TRDN: variants seen among roughly 807,000 people sequenced by gnomAD.
TRDN encodes triadin.
A neutral mutation model predicts 149.7 loss-of-function variants in TRDN; 161 were observed. The observed-to-expected ratio is 1.08, with a 90% CI of 0.95 to 1.23. The LOEUF is 1.23. TRDN is among the 50% of genes most tolerant of loss of function. The pLI is 0.00. For missense variants in TRDN, 896 were observed against 823.5 expected, an observed-to-expected ratio of 1.09 and a Z score of -1.08; for synonymous variants, 294 against 250.5, an observed-to-expected ratio of 1.17 and a Z score of -1.64.
Position 123,439,007 on chromosome 6 carries a change from G to T in TRDN, c.932-4C>A. Reference sequence around the variant, plus strand: ...TTCTTCTTTTCCCCTTCTTTTTCTAGAGAATACATTTAAAATATTTCCTTT... The same window carrying T: ...TTCTTCTTTTCCCCTTCTTTTTCTATAGAATACATTTAAAATATTTCCTTT... On this transcript the variant is annotated splice_polypyrimidine_tract_variant and splice_region_variant and intron_variant, in intron 10 of 40. Transcript: ENST00000334268. The T allele has an allele frequency of 6.5e-7, 1 of 1,544,934 alleles. No homozygotes were observed.
chr6:123,506,082 A>G (rs1424223399), intron 7 of TRDN, among the ~76,000 whole-genome samples: 1 of 152,192 alleles, frequency 6.6e-6, no homozygotes, highest in Non-Finnish European at 1.5e-5. Flanking sequence ...TCATTCCAGA[A>G]TTCCACACTG....
At chr6:123,324,640 A>G (rs939859606) in intron 23 of TRDN, among the ~76,000 whole-genome samples, 1 of 151,126 alleles carries the variant, frequency 6.6e-6, no homozygotes, top group African/African-American at 2.4e-5. Context: ...CAAGGAATGA[A>G]TATTGGAGCT....
At position 123,503,827 on chromosome 6, in the gene TRDN, T is replaced by C; in HGVS notation, c.685A>G (p.Lys229Glu). The change falls in exon 8 of 41, where the codon AAA becomes GAA. Residue 229 changes from lysine (K) to glutamate (E), a missense_variant. By Grantham distance (56) the Lys-to-Glu change is moderately conservative. Transcript: ENST00000334268. ...KKEVKGGKQE[K>E]VKQTAAKVKE... ...ACTTTTGCAGCTGTTTGCTTCACTT[T>C]CTCCTGTTTTCCACCTTTCACTTCC... The C allele has an allele frequency of 6.2e-7, 1 of 1,607,388 alleles. No homozygotes were observed. Among genetic ancestry groups the C allele is most frequent in the Non-Finnish European group, 8.5e-7 (1 of 1,176,214 alleles).
intron 2 of TRDN, among the ~76,000 whole-genome samples, chr6:123,558,477 G>A (rs574815758): frequency 1.3e-5 from 2 of 152,184 alleles, no homozygotes; most frequent in South Asian, 4.1e-4. Context: ...GCATAGTCAA[G>A]GTTAATGCTC....
rs960232235 is a variant in TRDN, at chr6:123,294,635, A to C, written c.1511-15553T>G. Among the ~76,000 whole-genome samples, 19 of 152,324 alleles carry C rather than the reference A, an allele frequency of 1.2e-4. 1 individual carries two copies. The highest frequency in any genetic ancestry group is 3.4e-3 in the Middle Eastern group (1 of 294). On this transcript the variant is annotated intron_variant, in intron 24 of 40. Transcript: ENST00000334268. ...GATTTAATGCTGCTGTTAATCTAACAGGAAGTGTAGATCAGACAATAATGC... is the reference window on the plus strand; with the variant it reads ...GATTTAATGCTGCTGTTAATCTAACCGGAAGTGTAGATCAGACAATAATGC...
At chr6:123,367,544 C>T (rs1444601957) in intron 19 of TRDN, among the ~76,000 whole-genome samples, 2 of 152,160 alleles carry the variant, frequency 1.3e-5, no homozygotes, top group African/African-American at 4.8e-5. Context: ...TAAACCCAGG[C>T]AAGAAGTGAC....
intron 16 of TRDN, among the ~76,000 whole-genome samples, chr6:123,379,241 T>A (rs1311574825): frequency 6.6e-6 from 1 of 152,152 alleles, no homozygotes; most frequent in Non-Finnish European, 1.5e-5. Flanking sequence ...TTCCCAAGTA[T>A]ACAATTTTGT....
At position 123,329,282 on chromosome 6, in the gene TRDN, A is replaced by C. The variant is rs375112152; in HGVS notation, c.1471+2597T>G. 6.2e-4 allele frequency among the ~76,000 whole-genome samples: 94 copies of C among 152,302 alleles called. 1 individual carries two copies. The highest frequency in any genetic ancestry group is 3.9e-3 in the South Asian group (19 of 4,830). On this transcript the variant is annotated intron_variant, in intron 23 of 40. Coordinates refer to ENST00000334268, the MANE Select transcript of TRDN (RefSeq NM_006073.4). ...TATGCTGTGGCTATTTAAGTATTATAAGATTAACACATAACAGATTAATTT... is the reference window on the plus strand; with the variant it reads ...TATGCTGTGGCTATTTAAGTATTATCAGATTAACACATAACAGATTAATTT...
At chr6:123,506,581 C>T (rs1179823368) in intron 7 of TRDN, among the ~76,000 whole-genome samples, 13 of 151,970 alleles carry the variant, frequency 8.6e-5, no homozygotes, top group African/African-American at 2.4e-4. Flanking sequence ...CTCTGCCTCC[C>T]GGGTTCAAGC....
At chr6:123,521,378 G>T (rs1183409814) in intron 5 of TRDN, among the ~76,000 whole-genome samples, 1 of 152,056 alleles carries the variant, frequency 6.6e-6, no homozygotes, top group Non-Finnish European at 1.5e-5. Context: ...TTTGGGTCCA[G>T]AGAAGGATAT....
At chr6:123,610,375 T>C (rs1291001464) in intron 1 of TRDN, among the ~76,000 whole-genome samples, 1 of 152,142 alleles carries the variant, frequency 6.6e-6, no homozygotes, top group Non-Finnish European at 1.5e-5. Context: ...ACATCACTTA[T>C]GTTGCCCAGG....
chr6:123,454,719 A>G (rs1775998171), intron 10 of TRDN, among the ~76,000 whole-genome samples: 1 of 152,204 alleles, frequency 6.6e-6, no homozygotes, highest in East Asian at 1.9e-4. Flanking sequence ...CAGCAGCTGC[A>G]TTAGATTCTC....
intron 1 of TRDN, among the ~76,000 whole-genome samples, chr6:123,603,255 G>GA (rs762125959): frequency 1.1e-4 from 11 of 104,622 alleles, no homozygotes; most frequent in African/African-American, 3.1e-4. Context: ...GAGGCCACAG[G>GA]AAAAATGTCA....
chr6:123,350,698 T>A (rs372480926), intron 21 of TRDN: 25 of 818,860 alleles, frequency 3.1e-5, no homozygotes, highest in Non-Finnish European at 3.5e-5. Context: ...TATCCAAATA[T>A]ATTATTTCCT....
chr6:123,496,062 ATAT>A (rs1192231009), intron 9 of TRDN, among the ~76,000 whole-genome samples: 13 of 146,270 alleles, frequency 8.9e-5, no homozygotes, highest in South Asian at 6.4e-4. Context: ...TATATCATTA[ATAT>A]TATTAATATT....
intron 1 of TRDN, among the ~76,000 whole-genome samples, chr6:123,604,582 A>G (rs1392697535): frequency 6.6e-6 from 1 of 152,174 alleles, no homozygotes; most frequent in Non-Finnish European, 1.5e-5. Context: ...AAGACTCAGA[A>G]GCTAAATTAG....
At chr6:123,567,814 T>A (rs1782369005) in intron 2 of TRDN, among the ~76,000 whole-genome samples, 1 of 152,174 alleles carries the variant, frequency 6.6e-6, no homozygotes, top group Non-Finnish European at 1.5e-5. Flanking sequence ...GACATGAGAT[T>A]ATATGGGACA....
At chr6:123,605,795 G>T (rs965604435) in intron 1 of TRDN, among the ~76,000 whole-genome samples, 1 of 151,940 alleles carries the variant, frequency 6.6e-6, no homozygotes, top group Non-Finnish European at 1.5e-5. Flanking sequence ...AATAATAAAA[G>T]ATTGCATTCC....
In TRDN at chr6:123,463,357, T is replaced by TAATAAATA. The variant is rs374409398; in HGVS notation, c.931+1541_931+1548dup. ...CGTCTCAAGAAAAAAAAAAAATAAATAATAAATAAATAAATAAATAAATAA... is the reference window on the plus strand; with the variant it reads ...CGTCTCAAGAAAAAAAAAAAATAAATAATAAATAAATAAATAAATAAATAAATAAATAA... On this transcript the variant is annotated intron_variant, in intron 10 of 40. Coordinates refer to ENST00000334268, the MANE Select transcript of TRDN (RefSeq NM_006073.4). 6.3e-3 allele frequency among the ~76,000 whole-genome samples: 917 copies of TAATAAATA among 146,216 alleles called. 4 individuals carry two copies. The highest frequency in any genetic ancestry group is 0.043 in the Middle Eastern group (12 of 280).
Sources: gnomAD v4.1 joint callset for allele counts (sites outside exome capture counted in the v4.1 genomes callset) on GRCh38, gnomAD v4.1.1 for gene constraint, MANE v1.5 for transcripts, NCBI Gene and HGNC (gene_info 2026-07-23, HGNC 2026-07-21) for gene names.